The following DMD variants were observed in gnomAD, a reference collection of about 807,000 sequenced individuals.
DMD encodes the protein mutant dystrophin.
A neutral mutation model predicts 330.1 loss-of-function variants in DMD; 63 were observed. That is an observed-to-expected ratio of 0.19 (90% CI 0.16 to 0.24). The LOEUF is 0.24. Ranked by LOEUF, DMD falls within the 10% of genes least tolerant of loss-of-function variation. DMD has a pLI of 1.00. For missense variants in DMD, 3,344 were observed against 2,684.1 expected, an observed-to-expected ratio of 1.25 and a Z score of -5.43; for synonymous variants, 1,223 against 959.8, an observed-to-expected ratio of 1.27 and a Z score of -5.07.
At chrX:33,042,134 A>G (rs973972601) in intron 1 of DMD, among the ~76,000 whole-genome samples, 63 of 111,434 alleles carry the variant, frequency 5.7e-4, no homozygotes, top group Non-Finnish European at 4.9e-4. Flanking sequence ...TTTCCATGGA[A>G]AAAAAAGAGA....
At chrX:31,814,178 T>G (rs2149398521) in intron 50 of DMD, among the ~76,000 whole-genome samples, 1 of 110,400 alleles carries the variant, frequency 9.1e-6, no homozygotes, top group African/African-American at 3.3e-5. Flanking sequence ...TTTACCAGTG[T>G]TTAATCAACT....
At chrX:32,338,234 C>T (rs1045321371) in intron 41 of DMD, among the ~76,000 whole-genome samples, 5 of 111,437 alleles carry the variant, frequency 4.5e-5, no homozygotes, top group Admixed American at 9.6e-5. Context: ...TACTGATGCT[C>T]TGAGTTTCAT....
At chrX:33,213,209 G>A (rs953145298), upstream of DMD, among the ~76,000 whole-genome samples, 1 of 111,450 alleles carries the variant, frequency 9.0e-6, no homozygotes, top group African/African-American at 3.3e-5. Flanking sequence ...AAAAACAACC[G>A]TGGTTCTAAA....
intron 55 of DMD, among the ~76,000 whole-genome samples, chrX:31,548,920 C>T (rs1233656249): frequency 1.8e-5 from 2 of 109,519 alleles, no homozygotes; most frequent in African/African-American, 6.6e-5. Flanking sequence ...TATGCACACA[C>T]ACAAACATAA....
At chrX:31,290,302 T>C (rs1161685368) in intron 62 of DMD, among the ~76,000 whole-genome samples, 2 of 111,323 alleles carry the variant, frequency 1.8e-5, no homozygotes, top group Non-Finnish European at 3.8e-5. Flanking sequence ...GTAATGCATT[T>C]GGTGATGGTA....
intron 43 of DMD, among the ~76,000 whole-genome samples, chrX:32,219,748 A>G: frequency 1.8e-5 from 2 of 111,399 alleles, no homozygotes; most frequent in Middle Eastern, 9.3e-3. Flanking sequence ...ACTTTTAGCT[A>G]CTAGGAGGTG....
chrX:32,189,906 T>G (rs1428154100), intron 44 of DMD, among the ~76,000 whole-genome samples: 8 of 111,216 alleles, frequency 7.2e-5, no homozygotes, highest in Non-Finnish European at 1.3e-4. Context: ...ATACTTTAAG[T>G]TCTAGGGTAC....
At chrX:31,897,419 G>A (rs1397666841) in intron 47 of DMD, among the ~76,000 whole-genome samples, 2 of 103,304 alleles carry the variant, frequency 1.9e-5, no homozygotes, top group South Asian at 4.6e-4. Flanking sequence ...ATGATTTATA[G>A]TCCTTTGGGT....
intron 47 of DMD, among the ~76,000 whole-genome samples, chrX:31,911,826 G>A (rs771596413): frequency 1.8e-5 from 2 of 111,382 alleles, no homozygotes; most frequent in African/African-American, 6.5e-5. Context: ...ACAACTACAC[G>A]AGAAGTTGCC....
rs779897982 is a variant in DMD at position 33,324,235 on chromosome X, G to T, written c.7+15024C>A. 1.4e-4 allele frequency among the ~76,000 whole-genome samples: 16 copies of T among 110,879 alleles called. 1 individual carries two copies. In the South Asian group the frequency reaches 6.1e-3, roughly 43 times the overall value. Reference sequence around the variant, plus strand: ...AAAGAAGTGAGTGAGACGGAGAAAAGAACACCAGTACAGTGTGAGTTTCAT... The same window carrying T: ...AAAGAAGTGAGTGAGACGGAGAAAATAACACCAGTACAGTGTGAGTTTCAT... On this transcript the variant is annotated intron_variant, in intron 1 of 17. Transcript: ENST00000288447.
At chrX:33,217,377 G>A (rs1039477622) in intron 1 of DMD, among the ~76,000 whole-genome samples, 2 of 111,486 alleles carry the variant, frequency 1.8e-5, no homozygotes, top group African/African-American at 6.5e-5. Context: ...TGGAAGAATT[G>A]ATATATTTAC....
intron 11 of DMD, among the ~76,000 whole-genome samples, chrX:32,624,321 G>A (rs2058200922): frequency 9.0e-6 from 1 of 111,542 alleles, no homozygotes; most frequent in Non-Finnish European, 1.9e-5. Context: ...CTGACAGTAG[G>A]TATAGGCAAA....
intron 2 of DMD, among the ~76,000 whole-genome samples, chrX:32,925,608 A>G (rs1057446643): frequency 8.9e-6 from 1 of 111,826 alleles, no homozygotes; most frequent in Admixed American, 9.5e-5. Context: ...GCACTGCTAA[A>G]AAGGCTTTAA....
At chrX:31,907,726 T>C (rs1795841778) in intron 47 of DMD, among the ~76,000 whole-genome samples, 1 of 111,860 alleles carries the variant, frequency 8.9e-6, no homozygotes, top group South Asian at 3.7e-4. Context: ...TGGGATCTAA[T>C]TAAACGAAAG....
intron 20 of DMD, among the ~76,000 whole-genome samples, chrX:32,488,142 T>G (rs1441727812): frequency 2.7e-5 from 3 of 111,830 alleles, no homozygotes; most frequent in Admixed American, 9.5e-5. Context: ...GACCTTAATG[T>G]TCTGAGAATA....
At position 32,642,561 on chromosome X, in the gene DMD, C is replaced by A. The variant is rs369497429; in HGVS notation, c.1331+1571G>T. On this transcript the variant is annotated intron_variant, in intron 11 of 78. Transcript: ENST00000357033. Reference sequence around the variant, plus strand: ...TCATCCTTCACTTAATGGCAGACATCCCTTGAAGGGGGGAATTTTTGAATG... The same window carrying A: ...TCATCCTTCACTTAATGGCAGACATACCTTGAAGGGGGGAATTTTTGAATG... Among the ~76,000 whole-genome samples, 12 of 111,714 alleles carry A rather than the reference C, an allele frequency of 1.1e-4. No homozygotes were observed. In the East Asian group the frequency reaches 3.4e-3, roughly 31 times the overall value.
chrX:32,115,875 T>C (rs1164843115), intron 44 of DMD, among the ~76,000 whole-genome samples: 2 of 111,701 alleles, frequency 1.8e-5, no homozygotes, highest in Non-Finnish European at 3.8e-5. Context: ...TGTGGACTAG[T>C]AACGTGGCTT....
intron 62 of DMD, among the ~76,000 whole-genome samples, chrX:31,320,267 G>T (rs949267132): frequency 1.8e-5 from 2 of 112,536 alleles, no homozygotes; most frequent in African/African-American, 6.5e-5. Context: ...TAGAGCAAAA[G>T]ATGTTAATGA....
At chrX:32,153,026 T>A (rs2096812872) in intron 44 of DMD, among the ~76,000 whole-genome samples, 1 of 112,029 alleles carries the variant, frequency 8.9e-6, no homozygotes, top group Non-Finnish European at 1.9e-5. Context: ...ATGAGGAAAG[T>A]TAACGTTCAC....
Sources: gnomAD v4.1 joint callset for allele counts (sites outside exome capture counted in the v4.1 genomes callset) on GRCh38, gnomAD v4.1.1 for gene constraint, MANE v1.5 for transcripts, NCBI Gene and HGNC (gene_info 2026-07-23, HGNC 2026-07-21) for gene names.